NLK: variants seen among roughly 807,000 people sequenced by gnomAD.
The protein encoded by NLK is nemo like kinase.
In NLK, 11 loss-of-function variants were observed where a neutral mutation model predicts 59.0. The ratio of observed to expected loss-of-function variants is 0.19; its 90% confidence interval spans 0.12 to 0.31. The LOEUF (loss-of-function observed/expected upper bound fraction) is 0.31. NLK is among the 10% of genes least tolerant of loss of function. The probability of loss-of-function intolerance (pLI) is 1.00; values close to 1 mark genes in which losing one functional copy is unlikely to be tolerated. For missense variants in NLK, 410 were observed against 661.1 expected (o/e 0.62, Z 4.16); for synonymous variants, 235 against 235.9 (o/e 1.00, Z 0.03).
At position 28,194,749 on chromosome 17, in the gene NLK, A is replaced by G. The variant is rs1014376904; in HGVS notation, c.*113A>G. On this transcript the variant is annotated 3_prime_UTR_variant, in exon 11 of 11. Coordinates refer to ENST00000407008, the MANE Select transcript of NLK (RefSeq NM_016231.5). Reference sequence around the variant, plus strand: ...ACTGTAATTTTACTAATGAAGTTTTAAATTAACAACCACTACTTGTATGAT... The same window carrying G: ...ACTGTAATTTTACTAATGAAGTTTTGAATTAACAACCACTACTTGTATGAT... 1.8e-6 allele frequency: 1 copy of G among 553,824 alleles called. No individual in the cohort carries two copies. Among genetic ancestry groups the G allele is most frequent in the African/African-American group, 1.9e-5 (1 of 53,200 alleles). 34.3% of individuals were successfully genotyped at this position (553,824 alleles called of 1,614,324 possible).
intron 1 of NLK, among the ~76,000 whole-genome samples, chr17:28,054,409 A>C (rs1451293296): frequency 1.3e-5 from 2 of 152,256 alleles, no homozygotes; most frequent in African/African-American, 4.8e-5. Context: ...TTTTAATAAA[A>C]TTGAAATTTT....
chr17:28,088,239 A>C (rs1904353274), intron 1 of NLK, among the ~76,000 whole-genome samples: 1 of 152,192 alleles, frequency 6.6e-6, no homozygotes, highest in African/African-American at 2.4e-5. Flanking sequence ...TAGATAGTAC[A>C]AGTGATCTGT....
At chr17:28,156,216 CAA>C (rs1907709162) in intron 3 of NLK, among the ~76,000 whole-genome samples, 1 of 151,992 alleles carries the variant, frequency 6.6e-6, no homozygotes, top group African/African-American at 2.4e-5. Flanking sequence ...TCAGCTTTAA[CAA>C]TATTAATCAT....
intron 1 of NLK, among the ~76,000 whole-genome samples, chr17:28,064,523 A>ATC (rs1284873841): frequency 6.6e-6 from 1 of 152,126 alleles, no homozygotes; most frequent in Admixed American, 6.6e-5. Context: ...CAAAATTAAT[A>ATC]TCATATGAAG....
chr17:28,067,604 C>A (rs1405917160), intron 1 of NLK, among the ~76,000 whole-genome samples: 1 of 149,732 alleles, frequency 6.7e-6, no homozygotes, highest in Non-Finnish European at 1.5e-5. Context: ...TAAAAAAATT[C>A]AATATATAAA....
chr17:28,063,428 T>A (rs974616093), intron 1 of NLK, among the ~76,000 whole-genome samples: 1 of 152,118 alleles, frequency 6.6e-6, no homozygotes, highest in African/African-American at 2.4e-5. Flanking sequence ...ATATATACAC[T>A]TTTTTCATCA....
At position 28,059,868 on chromosome 17, in the gene NLK, T is replaced by C. The variant is rs1166780733; in HGVS notation, c.458+16537T>C. On this transcript the variant is annotated intron_variant, in intron 1 of 10. Transcript: ENST00000407008. Reference sequence around the variant, plus strand: ...AAAGATATGCACTAGCACGCCCTTATATGGTATTTTCATCATACAGATAAA... The same window carrying C: ...AAAGATATGCACTAGCACGCCCTTACATGGTATTTTCATCATACAGATAAA... Among the ~76,000 whole-genome samples the C allele has an allele frequency of 3.9e-5, 6 of 152,212 alleles. No individual in the cohort carries two copies. In the South Asian group the frequency reaches 8.3e-4, roughly 21 times the overall value.
At chr17:28,099,604 C>T (rs376397126) in intron 1 of NLK, among the ~76,000 whole-genome samples, 2 of 125,522 alleles carry the variant, frequency 1.6e-5, no homozygotes, top group East Asian at 4.5e-4. Context: ...CGGAGTCTTG[C>T]TCTGTCGCCC....
At chr17:28,142,383 A>G (rs749837232) in intron 3 of NLK, among the ~76,000 whole-genome samples, 4 of 152,190 alleles carry the variant, frequency 2.6e-5, no homozygotes, top group Non-Finnish European at 4.4e-5. Context: ...CTTTTATTCC[A>G]TTGATTTCTA....
Position 28,123,257 on chromosome 17 carries a change from T to C in NLK, c.588+525T>C, listed in dbSNP as rs568946377. On this transcript the variant is annotated intron_variant, in intron 2 of 10. Transcript: ENST00000407008. Reference sequence around the variant, plus strand: ...CTCTCATTTGTCAATCTGAATGTCTTTTTTAATTCTAAGAATACAAGCTAT... The same window carrying C: ...CTCTCATTTGTCAATCTGAATGTCTCTTTTAATTCTAAGAATACAAGCTAT... Among the ~76,000 whole-genome samples the C allele has an allele frequency of 2.6e-5, 4 of 152,324 alleles. No homozygotes were observed. The South Asian group carries it at 8.3e-4, about 32-fold the overall frequency.
At chr17:28,168,024 A>AT (rs1908310201) in intron 5 of NLK, among the ~76,000 whole-genome samples, 1 of 151,924 alleles carries the variant, frequency 6.6e-6, no homozygotes. Flanking sequence ...TACCTATATC[A>AT]TTAAAAATGT....
intron 1 of NLK, among the ~76,000 whole-genome samples, chr17:28,057,202 G>A (rs575467287): frequency 6.6e-6 from 1 of 152,074 alleles, no homozygotes; most frequent in African/African-American, 2.4e-5. Flanking sequence ...TGATCCACCC[G>A]CCTCGGCCTC....
At chr17:28,078,109 T>C (rs564568285) in intron 1 of NLK, among the ~76,000 whole-genome samples, 1 of 152,342 alleles carries the variant, frequency 6.6e-6, no homozygotes, top group Admixed American at 6.5e-5. Flanking sequence ...TATGAAATGG[T>C]ATACTGCTTT....
rs1907379354 is a variant in NLK at position 28,149,156 on chromosome 17, G to A, written c.645-12004G>A. The stretch of plus-strand genomic sequence containing the variant: ...GCTCACTGCAGCCTCGAACTCCTGG[G>A]CTTAAACTTAAAATCCTTTCACTTT... On this transcript the variant is annotated intron_variant, in intron 3 of 10. Transcript: ENST00000407008. 2.0e-5 allele frequency among the ~76,000 whole-genome samples: 3 copies of A among 152,182 alleles called. No individual in the cohort carries two copies. In the South Asian group the frequency reaches 6.2e-4, roughly 31 times the overall value.
chr17:28,083,625 T>A (rs1373467365), intron 1 of NLK, among the ~76,000 whole-genome samples: 1 of 152,206 alleles, frequency 6.6e-6, no homozygotes, highest in Non-Finnish European at 1.5e-5. Context: ...GGGTACATTT[T>A]ATGATTTTTG....
At chr17:28,137,828 C>G (rs1597703516) in intron 3 of NLK, among the ~76,000 whole-genome samples, 3 of 152,154 alleles carry the variant, frequency 2.0e-5, no homozygotes, top group Admixed American at 6.5e-5. Flanking sequence ...AGATGTAGGG[C>G]AAGTCAGATG....
chr17:28,167,994 A>T (rs1407209704), intron 5 of NLK, among the ~76,000 whole-genome samples: 2 of 152,064 alleles, frequency 1.3e-5, no homozygotes, highest in Non-Finnish European at 2.9e-5. Context: ...ACCAGATTGT[A>T]TATTGACATA....
At position 28,082,612 on chromosome 17, in the gene NLK, A is replaced by G. The variant is rs554965821; in HGVS notation, c.458+39281A>G. Among the ~76,000 whole-genome samples, 5 of 152,206 alleles carry G rather than the reference A, an allele frequency of 3.3e-5. No homozygotes were observed. The East Asian group carries it at 5.8e-4, about 18-fold the overall frequency. ...GCACAGTCCCCTGTGTTTCCCGCAG[A>G]TTTTCTTATTGCAGGATCAGTTTGG... is the stretch of plus-strand genomic sequence containing the variant. On this transcript the variant is annotated intron_variant, in intron 1 of 10. Coordinates refer to ENST00000407008, the MANE Select transcript of NLK (RefSeq NM_016231.5).
chr17:28,178,261 AG>A (rs1908762325), intron 7 of NLK, among the ~76,000 whole-genome samples: 1 of 152,160 alleles, frequency 6.6e-6, no homozygotes, highest in Non-Finnish European at 1.5e-5. Context: ...GTGCTCAGGA[AG>A]GGTATCATTT....
Sources: gnomAD v4.1 joint callset for allele counts (sites outside exome capture counted in the v4.1 genomes callset) on GRCh38, gnomAD v4.1.1 for gene constraint, MANE v1.5 for transcripts, NCBI Gene and HGNC (gene_info 2026-07-23, HGNC 2026-07-21) for gene names.